Variants in PILRA observed in about 807,000 individuals in gnomAD.
PILRA encodes the protein paired immunoglobulin-like type 2 receptor alpha.
Under a neutral mutation model 33.1 loss-of-function variants are expected in PILRA, and 37 were observed. The observed-to-expected ratio is 1.12, with a 90% CI of 0.86 to 1.47. The LOEUF is 1.47. PILRA is among the 40% of genes most tolerant of loss of function. The pLI, the probability that PILRA is intolerant of heterozygous loss-of-function variation, is 0.00. For synonymous variants in PILRA, 146 were observed against 149.9 expected, an observed-to-expected ratio of 0.97 and a Z score of 0.19; for missense variants, 312 against 376.2, an observed-to-expected ratio of 0.83 and a Z score of 1.41.
intron 2 of PILRA, among the ~76,000 whole-genome samples, chr7:100,385,387 T>C (rs1356588041): frequency 6.6e-6 from 1 of 152,112 alleles, no homozygotes; most frequent in East Asian, 1.9e-4. Flanking sequence ...CTAATAAAAG[T>C]ACTGGTAATA....
chr7:100,386,273 G>C (rs775921216), intron 2 of PILRA, among the ~76,000 whole-genome samples: 2 of 152,166 alleles, frequency 1.3e-5, no homozygotes, highest in African/African-American at 4.8e-5. Context: ...ATTGTGCTCT[G>C]AATCAGCAAT....
At chr7:100,374,640 T>C in intron 2 of PILRA, 2 of 616,940 alleles carry the variant, frequency 3.2e-6, no homozygotes, top group Non-Finnish European at 5.8e-6. Flanking sequence ...TCCCCAACCA[T>C]CCCCCTCACT....
At chr7:100,397,971 T>C in intron 4 of PILRA, 59 bp downstream of exon 4, 2 of 1,551,670 alleles carry the variant, frequency 1.3e-6, no homozygotes, top group Non-Finnish European at 1.8e-6. Flanking sequence ...AGTGGGCTGA[T>C]TTGGGAAACA....
intron 2 of PILRA, among the ~76,000 whole-genome samples, chr7:100,375,310 C>T (rs1209830601): frequency 6.6e-6 from 1 of 152,166 alleles, no homozygotes; most frequent in Non-Finnish European, 1.5e-5. Flanking sequence ...CCTAGTGAAC[C>T]CTCACCAAGA....
At chr7:100,397,806 C>T (rs373274635) in intron 3 of PILRA, 73 bp from the exon 4 acceptor site, 14 of 1,483,588 alleles carry the variant, frequency 9.4e-6, no homozygotes, top group Admixed American at 1.7e-5. Flanking sequence ...CAGCCTAGGG[C>T]GCAGCAGAGA....
Position 100,399,323 on chromosome 7 carries a change from A to C in PILRA, c.740A>C (p.Glu247Ala), listed in dbSNP as rs201639628. Residue 247 changes from glutamate (E) to alanine (A), a missense_variant, in exon 5 of 7, where the codon GAG becomes GCG. Physicochemically the swap from Glu to Ala is moderately radical, Grantham distance 107 (BLOSUM62 -1). Transcript: ENST00000198536. Reference protein sequence around the residue: ...EPFQNTEEPYENIRNEGQNTD... With the variant: ...EPFQNTEEPYANIRNEGQNTD... ...TTCCAAAACACAGAGGAGCCATATGAGAATATCAGGAATGAAGGTGAGTCC... is the reference window on the plus strand; with the variant it reads ...TTCCAAAACACAGAGGAGCCATATGCGAATATCAGGAATGAAGGTGAGTCC... 91 of 1,612,556 alleles carry C rather than the reference A, an allele frequency of 5.6e-5. No homozygotes were observed. The highest frequency in any genetic ancestry group is 1.6e-4 in the Middle Eastern group (1 of 6,082).
chr7:100,385,406 T>C (rs1791232304), intron 2 of PILRA, among the ~76,000 whole-genome samples: 1 of 152,116 alleles, frequency 6.6e-6, no homozygotes, highest in Non-Finnish European at 1.5e-5. Flanking sequence ...TACTTACACA[T>C]AATTTAAAAA....
intron 5 of PILRA, 79 bp downstream of exon 5, chr7:100,399,419 G>A (rs141769131): frequency 0.014 from 20,048 of 1,403,234 alleles, 173 homozygotes; most frequent in Non-Finnish European, 0.017. Flanking sequence ...ACCTGGGTCC[G>A]TGCCCCTGTC....
intron 2 of PILRA, chr7:100,376,363 A>T (rs1037754598): frequency 6.6e-5 from 10 of 151,862 alleles, no homozygotes. Context: ...CTCTCTGCAT[A>T]GGTCAGATTT....
intron 2 of PILRA, among the ~76,000 whole-genome samples, chr7:100,383,645 T>C (rs972007176): frequency 6.6e-5 from 10 of 151,424 alleles, no homozygotes; most frequent in Non-Finnish European, 1.3e-4. Flanking sequence ...TTTTTTTTTT[T>C]AATTTTTTTG....
At chr7:100,374,644 C>G (rs1790905614) in intron 2 of PILRA, 1 of 628,218 alleles carries the variant, frequency 1.6e-6, no homozygotes, top group Non-Finnish European at 2.9e-6. Flanking sequence ...CAACCATCCC[C>G]CTCACTGTCC....
chr7:100,385,069 A>G (rs2130197552), intron 2 of PILRA, among the ~76,000 whole-genome samples: 1 of 152,334 alleles, frequency 6.6e-6, no homozygotes, highest in South Asian at 2.1e-4. Flanking sequence ...TAAGATCTAA[A>G]TTCTCCATGT....
upstream of PILRA, among the ~76,000 whole-genome samples, chr7:100,371,580 C>T (rs1790813864): frequency 6.6e-6 from 1 of 152,142 alleles, no homozygotes; most frequent in Non-Finnish European, 1.5e-5. Context: ...TAATGCGGTG[C>T]AGGGTACTTA....
Position 100,390,180 on chromosome 7 carries a change from G to C in PILRA, c.673+74G>C, listed in dbSNP as rs1791357947. 1.1e-5 allele frequency: 15 copies of C among 1,351,042 alleles called. No individual in the cohort carries two copies. In the South Asian group the frequency reaches 1.8e-4, roughly 16 times the overall value. 83.7% of individuals were successfully genotyped at this position (1,351,042 alleles called of 1,614,324 possible). On this transcript the variant is annotated intron_variant, in intron 3 of 6. Transcript: ENST00000198536. ...TCTCAAAGCCCACCTGCAGCTATGG[G>C]GCTCCTGAAATATGCAGACCCTGCT...
At position 100,392,884 on chromosome 7, in the gene PILRA, G is replaced by GA. The variant is rs201848886; in HGVS notation, c.673+2786dup. 3.2e-3 allele frequency among the ~76,000 whole-genome samples: 483 copies of GA among 151,802 alleles called. 2 individuals are homozygous for GA. Among genetic ancestry groups the GA allele is most frequent in the African/African-American group, 0.011 (454 of 41,388 alleles). ...CCACAGGGATCAAAGATTTAAATGAGAAAAAAAATAACCCTAGTACCAGAA... is the reference window on the plus strand; with the variant it reads ...CCACAGGGATCAAAGATTTAAATGAGAAAAAAAAATAACCCTAGTACCAGAA... On this transcript the variant is annotated intron_variant, in intron 3 of 6. Transcript: ENST00000198536.
intron 2 of PILRA, among the ~76,000 whole-genome samples, chr7:100,388,409 T>C (rs1791301170): frequency 6.6e-6 from 1 of 151,930 alleles, no homozygotes; most frequent in African/African-American, 2.4e-5. Flanking sequence ...CAATATACAG[T>C]AGGTTTTTTA....
chr7:100,386,922 T>A, intron 2 of PILRA, among the ~76,000 whole-genome samples: 1 of 152,230 alleles, frequency 6.6e-6, no homozygotes, highest in Non-Finnish European at 1.5e-5. Context: ...TTGCATAGTT[T>A]TCCATCTTTA....
chr7:100,388,277 G>A (rs1054344766), intron 2 of PILRA, among the ~76,000 whole-genome samples: 5 of 151,936 alleles, frequency 3.3e-5, no homozygotes, highest in Admixed American at 1.3e-4. Context: ...TGATTTTTTT[G>A]TCCTGTGGCT....
intron 2 of PILRA, among the ~76,000 whole-genome samples, chr7:100,380,544 C>T (rs1791066700): frequency 6.6e-6 from 1 of 152,126 alleles, no homozygotes; most frequent in Non-Finnish European, 1.5e-5. Context: ...GCCTGTAATT[C>T]CTGCACTTAG....
Sources: allele counts gnomAD v4.1 joint callset (sites outside exome capture counted in the v4.1 genomes callset), GRCh38; gene constraint gnomAD v4.1.1; transcripts MANE v1.5; gene names NCBI Gene and HGNC (gene_info 2026-07-23, HGNC 2026-07-21).